EYS: variants seen among roughly 807,000 people sequenced by gnomAD.
EYS encodes protein eyes shut homolog.
EYS carries 250 observed loss-of-function variants against 282.1 expected under a neutral mutation model. The ratio of observed to expected loss-of-function variants is 0.89; its 90% CI spans 0.80 to 0.98. The LOEUF (loss-of-function observed/expected upper bound fraction) is 0.98. EYS is among the 50% of genes least tolerant of loss of function. The probability of loss-of-function intolerance (pLI) is 0.00; values close to 1 mark genes in which losing one functional copy is unlikely to be tolerated. For missense variants in EYS, 4,016 were observed against 3,709.0 expected (o/e 1.08, Z -2.15); for synonymous variants, 1,355 against 1,282.9 (o/e 1.06, Z -1.20).
intron 12 of EYS, among the ~76,000 whole-genome samples, chr6:65,200,623 T>C (rs1765877305): frequency 6.6e-6 from 1 of 151,668 alleles, no homozygotes; most frequent in African/African-American, 2.4e-5. Flanking sequence ...AGTACAGTTA[T>C]TGTATATAAA....
At chr6:64,436,618 A>C (rs1403337185) in intron 27 of EYS, among the ~76,000 whole-genome samples, 1 of 151,936 alleles carries the variant, frequency 6.6e-6, no homozygotes, top group African/African-American at 2.4e-5. Flanking sequence ...CAATTGAGCA[A>C]GGCAAAGAAT....
chr6:65,636,136 T>C (rs1767079082), intron 2 of EYS, among the ~76,000 whole-genome samples: 4 of 152,250 alleles, frequency 2.6e-5, no homozygotes, highest in Non-Finnish European at 5.9e-5. Context: ...TGGCCTATTC[T>C]CTATACCTCA....
At chr6:65,387,620 T>G (rs1314995985) in intron 7 of EYS, among the ~76,000 whole-genome samples, 1 of 152,084 alleles carries the variant, frequency 6.6e-6, no homozygotes, top group South Asian at 2.1e-4. Context: ...TACTTTTGCT[T>G]AAAGTTTTCT....
At chr6:63,832,236 T>C (rs1349276321) in intron 36 of EYS, among the ~76,000 whole-genome samples, 1 of 151,728 alleles carries the variant, frequency 6.6e-6, no homozygotes. Context: ...CTGAAGGAGA[T>C]AGAGACACAA....
Position 64,762,762 on chromosome 6 carries a change from G to T in EYS, c.3443+50616C>A, listed in dbSNP as rs77700838. 4.7e-3 allele frequency among the ~76,000 whole-genome samples: 718 copies of T among 151,954 alleles called. 3 individuals are homozygous for T. Among genetic ancestry groups the T allele is most frequent in the African/African-American group, 0.016 (681 of 41,424 alleles). On this transcript the variant is annotated intron_variant, in intron 22 of 42. Transcript: ENST00000503581. ...GTGTTTAAAATTTATTTGGTATTTG[G>T]GTCTTTTTCTTTGCAATACTGATTA...
chr6:65,331,696 A>G, intron 11 of EYS: 1 of 980,680 alleles, frequency 1.0e-6, no homozygotes, highest in South Asian at 4.7e-5. Context: ...TTCTTAGTAA[A>G]TAAAAAAGCT....
chr6:64,673,641 C>G (rs1769545887), intron 22 of EYS, among the ~76,000 whole-genome samples: 1 of 152,054 alleles, frequency 6.6e-6, no homozygotes, highest in African/African-American at 2.4e-5. Flanking sequence ...TCTTCAGGAT[C>G]TTTATAAATG....
chr6:65,035,286 G>C (rs2150146006), intron 13 of EYS, among the ~76,000 whole-genome samples: 1 of 152,082 alleles, frequency 6.6e-6, no homozygotes, highest in South Asian at 2.1e-4. Context: ...TTGGGAACCA[G>C]AACAAGACAA....
At chr6:65,446,985 A>C (rs12196990) in intron 5 of EYS, among the ~76,000 whole-genome samples, 28,010 of 151,516 alleles carry the variant, frequency 0.18, 3,223 homozygotes, top group Middle Eastern at 0.29. Flanking sequence ...TTCTCACATA[A>C]CAGACATCGT....
chr6:64,715,715 A>G (rs561554865), intron 22 of EYS, among the ~76,000 whole-genome samples: 4 of 152,338 alleles, frequency 2.6e-5, no homozygotes, highest in East Asian at 1.9e-4. Flanking sequence ...TGTTTGAAAC[A>G]TGTCAAAAAT....
intron 2 of EYS, among the ~76,000 whole-genome samples, chr6:65,621,195 T>C (rs909156488): frequency 6.6e-6 from 1 of 152,150 alleles, no homozygotes; most frequent in Admixed American, 6.5e-5. Context: ...TCTAAGTCTC[T>C]TTGTAGGTCG....
chr6:63,829,503 C>T (rs148128774), intron 36 of EYS, among the ~76,000 whole-genome samples: 1,890 of 152,228 alleles, frequency 0.012, 32 homozygotes, highest in African/African-American at 0.043. Context: ...AAGGTGGCAG[C>T]GAGGCTGGGG....
chr6:64,551,725 C>A (rs1162938062), intron 26 of EYS, among the ~76,000 whole-genome samples: 1 of 151,826 alleles, frequency 6.6e-6, no homozygotes, highest in Non-Finnish European at 1.5e-5. Flanking sequence ...TTAGTAGAGA[C>A]AGGGTTTCGC....
intron 15 of EYS, among the ~76,000 whole-genome samples, chr6:64,938,410 A>G (rs1768980689): frequency 6.6e-6 from 1 of 151,564 alleles, no homozygotes; most frequent in African/African-American, 2.4e-5. Flanking sequence ...CTATTTAATT[A>G]GTAGTTATTG....
At chr6:65,255,762 C>T (rs1767444116) in intron 12 of EYS, among the ~76,000 whole-genome samples, 1 of 151,298 alleles carries the variant, frequency 6.6e-6, no homozygotes. Flanking sequence ...AAATGTTCAA[C>T]ATCATCAGAG....
chr6:64,979,945 G>A (rs185414915), intron 14 of EYS, among the ~76,000 whole-genome samples: 32 of 151,482 alleles, frequency 2.1e-4, no homozygotes, highest in Admixed American at 1.8e-3. Context: ...ATTATTCTGG[G>A]ATGTCACCAC....
intron 12 of EYS, among the ~76,000 whole-genome samples, chr6:65,180,150 C>G (rs942490621): frequency 2.6e-5 from 4 of 152,082 alleles, no homozygotes; most frequent in African/African-American, 9.7e-5. Context: ...GGGCACAAGA[C>G]AGGGCTGCCC....
intron 26 of EYS, among the ~76,000 whole-genome samples, chr6:64,587,808 G>A (rs1766279322): frequency 6.6e-6 from 1 of 151,964 alleles, no homozygotes; most frequent in African/African-American, 2.4e-5. Flanking sequence ...AACCAAGACA[G>A]TTTGGAATTG....
Position 64,365,356 on chromosome 6 carries a change from CAA to C in EYS, c.6078+23332_6078+23333del, listed in dbSNP as rs558514878. On this transcript the variant is annotated intron_variant, in intron 29 of 42. Transcript: ENST00000503581. ...GTTTGAAGCTGTGTCAGCAGAGACTCAAGAGAGCTCTTAGAGAGGAGAGAGGG... is the reference window on the plus strand; with the variant it reads ...GTTTGAAGCTGTGTCAGCAGAGACTCGAGAGCTCTTAGAGAGGAGAGAGGG... Among the ~76,000 whole-genome samples, 297 of 152,070 alleles carry C rather than the reference CAA, an allele frequency of 2.0e-3. 1 individual carries two copies. The highest frequency in any genetic ancestry group is 6.6e-3 in the African/African-American group (274 of 41,544).
Sources: allele counts gnomAD v4.1 joint callset (sites outside exome capture counted in the v4.1 genomes callset), GRCh38; gene constraint gnomAD v4.1.1; transcripts MANE v1.5; gene names NCBI Gene and HGNC (gene_info 2026-07-23, HGNC 2026-07-21).